Variants in ANO2 observed in about 807,000 individuals in gnomAD.
ANO2 encodes the protein anoctamin 2.
In ANO2, 101 loss-of-function variants were observed where a neutral mutation model predicts 124.2. That is an observed-to-expected ratio of 0.81 (90% CI 0.69 to 0.96). The LOEUF (loss-of-function observed/expected upper bound fraction) is 0.96, where lower values mean the gene tolerates loss of function less well. Among genes scored for constraint, ANO2 ranks in the 40% least tolerant of loss-of-function variants. The pLI is 0.00. For synonymous variants in ANO2, 486 were observed against 482.5 expected, an observed-to-expected ratio of 1.01 and a Z score of -0.09; for missense variants, 1,293 against 1,274.5, an observed-to-expected ratio of 1.01 and a Z score of -0.22.
intron 20 of ANO2, among the ~76,000 whole-genome samples, chr12:5,585,033 G>A (rs1343923774): frequency 6.6e-6 from 1 of 152,092 alleles, no homozygotes; most frequent in African/African-American, 2.4e-5. Context: ...AACAATCCTT[G>A]ACAGCCTCAC....
chr12:5,663,056 T>C (rs1396847349), intron 14 of ANO2, among the ~76,000 whole-genome samples: 2 of 152,184 alleles, frequency 1.3e-5, no homozygotes, highest in Non-Finnish European at 2.9e-5. Context: ...GTAAGTGAAA[T>C]GACCCGTTAA....
chr12:5,719,197 C>T lies in ANO2; in HGVS notation c.1545+13323G>A, dbSNP rs372468439. On this transcript the variant is annotated intron_variant, in intron 14 of 24. Transcript: ENST00000682330. ...TTTGAGTCCAACTTCCAACTGCCAGCGCCTTCACTTCTTTGCCTAAAGGTT... is the reference window on the plus strand; with the variant it reads ...TTTGAGTCCAACTTCCAACTGCCAGTGCCTTCACTTCTTTGCCTAAAGGTT... Among the ~76,000 whole-genome samples, 16 of 152,318 alleles carry T rather than the reference C, an allele frequency of 1.1e-4. No homozygotes were observed. The East Asian group carries it at 1.4e-3, about 13-fold the overall frequency.
chr12:5,880,025 A>G (rs536111566), intron 3 of ANO2, among the ~76,000 whole-genome samples: 2 of 152,288 alleles, frequency 1.3e-5, no homozygotes, highest in Admixed American at 6.5e-5. Context: ...GATTGTGGCA[A>G]TGGGGAAGGT....
chr12:5,709,977 G>C (rs1220288419), intron 14 of ANO2, among the ~76,000 whole-genome samples: 1 of 152,206 alleles, frequency 6.6e-6, no homozygotes, highest in Non-Finnish European at 1.5e-5. Flanking sequence ...ACACGCTTTG[G>C]GTGAGTGAGC....
intron 3 of ANO2, among the ~76,000 whole-genome samples, chr12:5,886,970 T>C (rs1938959246): frequency 6.6e-6 from 1 of 151,618 alleles, no homozygotes; most frequent in Admixed American, 6.6e-5. Flanking sequence ...GGGTACAGAG[T>C]TTCAGTTGAG....
intron 19 of ANO2, among the ~76,000 whole-genome samples, chr12:5,606,609 T>C (rs1944232556): frequency 1.3e-5 from 2 of 152,234 alleles, no homozygotes; most frequent in South Asian, 4.1e-4. Context: ...AGGAAACTAA[T>C]ATGCAAATAG....
At chr12:5,873,731 G>T (rs1222469933) in intron 3 of ANO2, among the ~76,000 whole-genome samples, 1 of 152,202 alleles carries the variant, frequency 6.6e-6, no homozygotes, top group Non-Finnish European at 1.5e-5. Flanking sequence ...GAGCTAATGG[G>T]GCTGCTTGGG....
At chr12:5,645,571 T>C (rs564168336) in intron 15 of ANO2, among the ~76,000 whole-genome samples, 23 of 152,356 alleles carry the variant, frequency 1.5e-4, no homozygotes, top group Non-Finnish European at 3.2e-4. Flanking sequence ...TTTCATTATC[T>C]GCTAGATAAT....
intron 23 of ANO2, among the ~76,000 whole-genome samples, chr12:5,569,981 T>C (rs997344046): frequency 6.6e-6 from 1 of 152,222 alleles, no homozygotes; most frequent in African/African-American, 2.4e-5. Context: ...ATGTAATTAA[T>C]GGCAATACAC....
Position 5,774,723 on chromosome 12 carries a change from C to T in ANO2, c.1056-23753G>A, listed in dbSNP as rs117258562. Among the ~76,000 whole-genome samples, 129 of 152,274 alleles carry T rather than the reference C, an allele frequency of 8.5e-4. 1 individual carries two copies. The East Asian group carries it at 0.024, about 29-fold the overall frequency. On this transcript the variant is annotated intron_variant, in intron 10 of 24. Coordinates refer to ENST00000682330, the MANE Select transcript of ANO2 (RefSeq NM_001364791.2). ...CCCTCCCAGGGACAGGGCTGCTCTT[C>T]ACAGAGACAGGCTGTGCCCATCCTG...
upstream of ANO2, among the ~76,000 whole-genome samples, chr12:5,945,592 T>G (rs1290422476): frequency 6.6e-6 from 1 of 152,218 alleles, no homozygotes; most frequent in East Asian, 1.9e-4. Context: ...TCGGATTATC[T>G]CATGAACTGT....
chr12:5,591,617 G>A (rs1229183775), intron 20 of ANO2, among the ~76,000 whole-genome samples: 6 of 152,186 alleles, frequency 3.9e-5, no homozygotes, highest in African/African-American at 7.2e-5. Flanking sequence ...GGGAGAGATC[G>A]TTCTCCTTGG....
At chr12:5,610,167 T>A (rs1277062695) in intron 19 of ANO2, among the ~76,000 whole-genome samples, 3 of 124,018 alleles carry the variant, frequency 2.4e-5, no homozygotes. Context: ...CAAATTTATA[T>A]TACTTATATA....
At chr12:5,824,977 T>C (rs1953912445) in intron 7 of ANO2, among the ~76,000 whole-genome samples, 1 of 152,134 alleles carries the variant, frequency 6.6e-6, no homozygotes, top group African/African-American at 2.4e-5. Context: ...CCCCCATGAT[T>C]GAATTACCTC....
At chr12:5,910,459 G>A (rs906469252) in intron 3 of ANO2, among the ~76,000 whole-genome samples, 1 of 152,226 alleles carries the variant, frequency 6.6e-6, no homozygotes, top group Admixed American at 6.5e-5. Flanking sequence ...GATTACAGGT[G>A]TGAGCCACAG....
intron 10 of ANO2, among the ~76,000 whole-genome samples, chr12:5,765,793 A>G (rs561031998): frequency 2.8e-4 from 42 of 152,364 alleles, no homozygotes; most frequent in Non-Finnish European, 5.0e-4. Flanking sequence ...CATAATGGGA[A>G]CAGATATTTG....
At chr12:5,697,318 G>T (rs1949222089) in intron 14 of ANO2, among the ~76,000 whole-genome samples, 1 of 152,072 alleles carries the variant, frequency 6.6e-6, no homozygotes, top group Non-Finnish European at 1.5e-5. Flanking sequence ...TGTAGTCCCA[G>T]CTACTCAGGA....
chr12:5,935,477 C>T (rs1233139579), intron 1 of ANO2, among the ~76,000 whole-genome samples: 1 of 152,144 alleles, frequency 6.6e-6, no homozygotes, highest in Non-Finnish European at 1.5e-5. Context: ...TTTTTATTTT[C>T]TCATAACTTC....
rs1357701219 is a variant in ANO2, at chr12:5,744,272, CAG to C, written c.1234_1235del (p.Leu412ValfsTer2). The stretch of plus-strand genomic sequence containing the variant: ...TCCAGTAATCACAGGACTTGTCACA[CAG>C]GGGACACATGGTGAAGGCATTCTGC... Reference protein sequence around the residue: ...DQQNAFTMCPLCDKSCDYWNL... With the variant: ...DQQNAFTMCPXCDKSCDYWNL... On this transcript the variant is annotated frameshift_variant, in exon 12 of 25. Coordinates refer to ENST00000682330, the MANE Select transcript of ANO2 (RefSeq NM_001364791.2). LOFTEE classifies it high-confidence loss of function. 110 of 1,613,984 alleles carry C rather than the reference CAG, an allele frequency of 6.8e-5. No individual in the cohort carries two copies. The highest frequency in any genetic ancestry group is 9.2e-5 in the Non-Finnish European group (108 of 1,179,872).
Sources: allele counts gnomAD v4.1 joint callset (sites outside exome capture counted in the v4.1 genomes callset), GRCh38; gene constraint gnomAD v4.1.1; transcripts MANE v1.5; gene names NCBI Gene and HGNC (gene_info 2026-07-23, HGNC 2026-07-21).